The following DLG2 variants were observed in gnomAD, a reference collection of about 807,000 sequenced individuals.
DLG2 encodes disks large homolog 2.
A neutral mutation model predicts 132.5 loss-of-function variants in DLG2; 45 were observed. The observed-to-expected ratio is 0.34, with a 90% CI of 0.27 to 0.44. The LOEUF (loss-of-function observed/expected upper bound fraction) is 0.44. DLG2 is among the 20% of genes least tolerant of loss of function. The probability of loss-of-function intolerance (pLI) is 1.00; values close to 1 mark genes in which losing one functional copy is unlikely to be tolerated. For missense variants in DLG2, 1,045 were observed against 1,196.9 expected (o/e 0.87, Z 1.87); for synonymous variants, 424 against 419.6 (o/e 1.01, Z -0.13).
At chr11:83,678,467 G>A (rs1197927103) in intron 18 of DLG2, among the ~76,000 whole-genome samples, 2 of 152,152 alleles carry the variant, frequency 1.3e-5, no homozygotes, top group South Asian at 2.1e-4. Flanking sequence ...TCATGCAGAT[G>A]TGTGGACATC....
intron 8 of DLG2, among the ~76,000 whole-genome samples, chr11:84,182,289 G>C (rs1255082657): frequency 6.6e-6 from 1 of 151,916 alleles, no homozygotes; most frequent in African/African-American, 2.4e-5. Context: ...AAGAGAAATT[G>C]GAAAGTATTT....
intron 6 of DLG2, among the ~76,000 whole-genome samples, chr11:84,538,754 T>A (rs1348543898): frequency 6.6e-6 from 1 of 152,138 alleles, no homozygotes; most frequent in Non-Finnish European, 1.5e-5. Flanking sequence ...TGGTGTCCAC[T>A]GTAGACAATA....
chr11:85,086,745 G>A (rs1236291852), intron 6 of DLG2, among the ~76,000 whole-genome samples: 1 of 152,132 alleles, frequency 6.6e-6, no homozygotes, highest in African/African-American at 2.4e-5. Flanking sequence ...AAAGGTCACG[G>A]GATTTGACTC....
At chr11:84,952,823 T>C (rs2051139793) in intron 6 of DLG2, among the ~76,000 whole-genome samples, 1 of 152,236 alleles carries the variant, frequency 6.6e-6, no homozygotes, top group South Asian at 2.1e-4. Flanking sequence ...TACAACCCAA[T>C]ACCAATTCAG....
intron 11 of DLG2, among the ~76,000 whole-genome samples, chr11:83,997,594 G>C (rs550605967): frequency 6.6e-6 from 1 of 151,220 alleles, no homozygotes; most frequent in Non-Finnish European, 1.5e-5. Flanking sequence ...AGCTGGGCAT[G>C]GTGGTGCATG....
chr11:85,353,970 T>A (rs1490774485), intron 3 of DLG2, among the ~76,000 whole-genome samples: 1 of 150,452 alleles, frequency 6.6e-6, no homozygotes, highest in Non-Finnish European at 1.5e-5. Context: ...ACATGTACCC[T>A]AGAACTTAAA....
intron 7 of DLG2, among the ~76,000 whole-genome samples, chr11:84,332,949 A>G (rs2098467705): frequency 6.6e-6 from 1 of 152,166 alleles, no homozygotes; most frequent in South Asian, 2.1e-4. Flanking sequence ...TTACACAGCT[A>G]CAATACAGAC....
At chr11:84,161,721 G>A (rs943002626) in intron 9 of DLG2, among the ~76,000 whole-genome samples, 1 of 152,104 alleles carries the variant, frequency 6.6e-6, no homozygotes, top group South Asian at 2.1e-4. Context: ...TCAGCTTCAC[G>A]GGCATGAGAC....
chr11:84,717,398 A>G (rs764243392), intron 6 of DLG2, among the ~76,000 whole-genome samples: 3 of 152,074 alleles, frequency 2.0e-5, no homozygotes, highest in East Asian at 3.8e-4. Context: ...TCTTAAATCA[A>G]TATTGTAAGA....
At chr11:84,233,611 C>T (rs527700295) in intron 8 of DLG2, among the ~76,000 whole-genome samples, 1 of 152,252 alleles carries the variant, frequency 6.6e-6, no homozygotes, top group African/African-American at 2.4e-5. Context: ...GTGGGGCCTA[C>T]AAAAAATTCA....
At chr11:85,423,367 A>C (rs1435175128) in intron 3 of DLG2, among the ~76,000 whole-genome samples, 1 of 152,148 alleles carries the variant, frequency 6.6e-6, no homozygotes, top group Non-Finnish European at 1.5e-5. Context: ...GACAGTTCTT[A>C]GCTTTGGTGG....
chr11:84,684,056 C>T (rs1207570805), intron 6 of DLG2, among the ~76,000 whole-genome samples: 1 of 152,070 alleles, frequency 6.6e-6, no homozygotes, highest in Non-Finnish European at 1.5e-5. Flanking sequence ...GTTGAGATTG[C>T]CTCATGAATA....
At chr11:84,506,659 G>C (rs1036546208) in intron 7 of DLG2, among the ~76,000 whole-genome samples, 22 of 152,136 alleles carry the variant, frequency 1.4e-4, no homozygotes, top group Non-Finnish European at 2.6e-4. Context: ...CAAACTGTAA[G>C]ATAATAAATT....
chr11:83,800,399 T>C (rs1351878459), intron 17 of DLG2, among the ~76,000 whole-genome samples: 3 of 152,230 alleles, frequency 2.0e-5, no homozygotes, highest in African/African-American at 4.8e-5. Context: ...ATTTTTCAAA[T>C]ACCCTCCAGC....
chr11:84,166,748 C>T (rs1596474009), intron 8 of DLG2: 1 of 345,830 alleles, frequency 2.9e-6, no homozygotes, highest in African/African-American at 2.1e-5. Flanking sequence ...TATCCTCACT[C>T]AGCAAAACCA....
intron 22 of DLG2, among the ~76,000 whole-genome samples, chr11:83,481,769 T>C (rs2093130989): frequency 6.6e-6 from 1 of 152,168 alleles, no homozygotes; most frequent in Non-Finnish European, 1.5e-5. Flanking sequence ...ATAGTGCATT[T>C]CATGGAGATT....
At chr11:84,368,083 T>C (rs908305669) in intron 7 of DLG2, among the ~76,000 whole-genome samples, 3 of 152,168 alleles carry the variant, frequency 2.0e-5, no homozygotes, top group African/African-American at 7.2e-5. Context: ...TGTTTTGTGC[T>C]TTTATTGTAT....
rs1324112795 is a variant in DLG2, at chr11:85,109,395, C to T, written c.357+2266G>A. Among the ~76,000 whole-genome samples, 6 of 152,034 alleles carry T rather than the reference C, an allele frequency of 3.9e-5. No homozygotes were observed. In the East Asian group the frequency reaches 9.7e-4, roughly 24 times the overall value. On this transcript the variant is annotated intron_variant, in intron 6 of 27. Transcript: ENST00000376104. ...ACTGAGAATAAGACTTTAATGCTGG[C>T]GCTCTGACTTGTGATCTTCAGGAAG... is the stretch of plus-strand genomic sequence containing the variant.
intron 8 of DLG2, among the ~76,000 whole-genome samples, chr11:84,242,805 T>C (rs1426001801): frequency 1.3e-5 from 2 of 152,184 alleles, no homozygotes; most frequent in African/African-American, 4.8e-5. Flanking sequence ...ATGTGTATCA[T>C]GTTTAAGAGT....
Sources: allele counts gnomAD v4.1 joint callset (sites outside exome capture counted in the v4.1 genomes callset), GRCh38; gene constraint gnomAD v4.1.1; transcripts MANE v1.5; gene names NCBI Gene and HGNC (gene_info 2026-07-23, HGNC 2026-07-21).